NAV1: variants seen among roughly 807,000 people sequenced by gnomAD.
NAV1 encodes neuron navigator 1, also known as pore membrane and/or filament interacting like protein 3.
A neutral mutation model predicts 175.2 loss-of-function variants in NAV1; 18 were observed. The observed-to-expected ratio is 0.10, with a 90% confidence interval of 0.07 to 0.15. NAV1 has a LOEUF of 0.15. NAV1 is among the 10% of genes least tolerant of loss of function. NAV1 has a pLI of 1.00. For synonymous variants in NAV1, 897 were observed against 978.7 expected, an observed-to-expected ratio of 0.92 and a Z score of 1.56; for missense variants, 1,731 against 2,436.6, an observed-to-expected ratio of 0.71 and a Z score of 6.10.
exon 1 of NAV1, chr1:201,623,334 G>T (rs1430147430): frequency 2.8e-5 from 28 of 985,808 alleles, no homozygotes; most frequent in African/African-American, 3.5e-5. Flanking sequence ...CTTCTCGGAC[G>T]AGCTTTCACG....
chr1:201,655,340 A>G (rs773755526), intron 1 of NAV1, among the ~76,000 whole-genome samples: 6 of 152,130 alleles, frequency 3.9e-5, no homozygotes, highest in Non-Finnish European at 8.8e-5. Context: ...TGGACGCCAC[A>G]TGTTTCTCAT....
At chr1:201,617,443 C>T (rs902642310) in intron 2 of NAV1, among the ~76,000 whole-genome samples, 1 of 152,196 alleles carries the variant, frequency 6.6e-6, no homozygotes, top group African/African-American at 2.4e-5. Flanking sequence ...GACGCATAAG[C>T]TGGGCACGGG....
chr1:201,810,662 G>A lies in NAV1; in HGVS notation c.4701G>A (p.Leu1567=), dbSNP rs753245076. Residue 1567 remains leucine (L), a synonymous_variant, in exon 24 of 30, where the codon CTG becomes CTA. Coordinates refer to ENST00000367296, the Ensembl canonical transcript of NAV1. This position sits in a 1 kb window ranked among gnomAD's most constrained non-coding sequence, Gnocchi z 6.0. ...CCAGCGGCACGGGCAAGACCTACCT[G>A]ACCAATCGCTTGGCCGAGTACCTGG... is the stretch of plus-strand genomic sequence containing the variant. The A allele has an allele frequency of 2.5e-6, 4 of 1,614,108 alleles. No individual in the cohort carries two copies. The highest frequency in any genetic ancestry group is 1.7e-5 in the Admixed American group (1 of 60,012).
At chr1:201,761,497 C>T (rs1452309056) in intron 3 of NAV1, among the ~76,000 whole-genome samples, 2 of 152,206 alleles carry the variant, frequency 1.3e-5, no homozygotes, top group Non-Finnish European at 2.9e-5. Context: ...GGGCCTGATT[C>T]CTATCCCTTT....
At chr1:201,733,975 A>C (rs1179304956) in intron 3 of NAV1, among the ~76,000 whole-genome samples, 1 of 152,174 alleles carries the variant, frequency 6.6e-6, no homozygotes, top group African/African-American at 2.4e-5. Context: ...TCTGGCTACT[A>C]TGAGGAGAGC....
At chr1:201,709,354 C>T (rs1263235014) in intron 1 of NAV1, among the ~76,000 whole-genome samples, 1 of 151,990 alleles carries the variant, frequency 6.6e-6, no homozygotes. Context: ...AAGTAAATTC[C>T]CTTGGAAATG....
chr1:201,760,199 T>G (rs1674753207), intron 3 of NAV1, among the ~76,000 whole-genome samples: 1 of 152,136 alleles, frequency 6.6e-6, no homozygotes, highest in Non-Finnish European at 1.5e-5. Flanking sequence ...GGCATGGTGG[T>G]TCACGCCTGT....
intron 3 of NAV1, among the ~76,000 whole-genome samples, chr1:201,766,530 T>C (rs2102652827): frequency 8.4e-6 from 1 of 119,608 alleles, no homozygotes; most frequent in South Asian, 2.4e-4. Flanking sequence ...TCTTCTATTA[T>C]CTTTTTTTTA....
chr1:201,776,059 A>AATATAC (rs920819495), intron 3 of NAV1, among the ~76,000 whole-genome samples: 15 of 152,170 alleles, frequency 9.9e-5, no homozygotes, highest in African/African-American at 3.6e-4. Flanking sequence ...CCGTCTCTAA[A>AATATAC]ATATACATAT....
chr1:201,788,001 G>A lies in NAV1; in HGVS notation c.2996-467G>A, dbSNP rs1034315293. On this transcript the variant is annotated intron_variant, in intron 9 of 29. Transcript: ENST00000367296. The surrounding 1 kb of genome is among the most constrained non-coding windows in gnomAD (Gnocchi z 5.7). ...CACAATGCCAGGGCAACGGGATCCC[G>A]TAGCCCAGCCCCCTTCTCTAGCTGG... Among the ~76,000 whole-genome samples, 1 of 152,164 alleles carries A rather than the reference G, an allele frequency of 6.6e-6. No homozygotes were observed. The highest frequency in any genetic ancestry group is 1.5e-5 in the Non-Finnish European group (1 of 68,036).
At chr1:201,825,326 G>C (rs954833528) in exon 30 of NAV1, 14 of 119,978 alleles carry the variant, frequency 1.2e-4, no homozygotes, top group Admixed American at 9.0e-4. Flanking sequence ...GATGGAAAAA[G>C]TAAAAAAAAA....
intron 14 of NAV1, 63 bp from the exon 19 acceptor site, chr1:201,794,403 A>T (rs1677306169): frequency 6.8e-7 from 1 of 1,477,370 alleles, no homozygotes; most frequent in Non-Finnish European, 9.3e-7. Flanking sequence ...GGCCTCCCAA[A>T]GTGCTGGGAT....
intron 1 of NAV1, among the ~76,000 whole-genome samples, chr1:201,561,618 CT>C (rs1350787271): frequency 6.6e-6 from 1 of 152,154 alleles, no homozygotes; most frequent in Non-Finnish European, 1.5e-5. Context: ...CTTCTGAGTC[CT>C]TTTTTTCTGG....
exon 1 of NAV1, chr1:201,648,592 T>C (rs1369136439): frequency 1.7e-6 from 2 of 1,143,430 alleles, no homozygotes; most frequent in Non-Finnish European, 2.2e-6. Flanking sequence ...CGCCTCCTCC[T>C]CCTGCGCTCC....
chr1:201,750,006 A>C lies in NAV1; in HGVS notation c.1227-30415A>C, dbSNP rs954256909. 5.3e-5 allele frequency among the ~76,000 whole-genome samples: 8 copies of C among 152,230 alleles called. No individual in the cohort carries two copies. Among genetic ancestry groups the C allele is most frequent in the African/African-American group, 1.9e-4 (8 of 41,456 alleles). On this transcript the variant is annotated intron_variant, in intron 3 of 29. Coordinates refer to ENST00000367296, the Ensembl canonical transcript of NAV1. This position sits in a 1 kb window ranked among gnomAD's most constrained non-coding sequence, Gnocchi z 4.1. ...TAAAACTCTAGAGGATTTTGCTTTC[A>C]GATTGCTTTATGTTGTTAAAATTTT...
At chr1:201,794,543 G>T (rs1677317099) in exon 15 of NAV1, 1 of 1,613,868 alleles carries the variant, frequency 6.2e-7, no homozygotes, top group Non-Finnish European at 8.5e-7. Context: ...CAGTCATTCA[G>T]GGAGCCCTTA....
At chr1:201,602,667 G>GTT (rs374267102) in intron 2 of NAV1, among the ~76,000 whole-genome samples, 3,656 of 120,558 alleles carry the variant, frequency 0.03, 86 homozygotes, top group Non-Finnish European at 0.043. Flanking sequence ...TTTTTTTTTG[G>GTT]TTTTTTTTTT....
At chr1:201,725,682 G>A (rs1197986438) in intron 3 of NAV1, among the ~76,000 whole-genome samples, 21 of 151,396 alleles carry the variant, frequency 1.4e-4, no homozygotes, top group Admixed American at 1.1e-3. Context: ...TGGGCTAGGC[G>A]CAGTGGCTTA....
chr1:201,710,383 C>T (rs1671855990), intron 1 of NAV1, among the ~76,000 whole-genome samples: 1 of 151,664 alleles, frequency 6.6e-6, no homozygotes, highest in Non-Finnish European at 1.5e-5. Flanking sequence ...AACTCTTGGG[C>T]TCAAGTGATC....
Sources: gnomAD v4.1 joint callset for allele counts (sites outside exome capture counted in the v4.1 genomes callset) on GRCh38, gnomAD v4.1.1 for gene constraint, Gnocchi (gnomAD v3.1) non-coding constraint, MANE v1.5 for transcripts, NCBI Gene and HGNC (gene_info 2026-07-23, HGNC 2026-07-21) for gene names.